PKHD1: variants seen among roughly 807,000 people sequenced by gnomAD.
The protein encoded by PKHD1 is fibrocystin.
A neutral mutation model predicts 412.0 loss-of-function variants in PKHD1; 291 were observed. That is an observed-to-expected ratio of 0.71 (90% CI 0.64 to 0.78). The LOEUF (loss-of-function observed/expected upper bound fraction) is 0.78. PKHD1 is among the 30% of genes least tolerant of loss of function. PKHD1 has a pLI of 0.00. For missense variants in PKHD1, 4,825 were observed against 4,950.7 expected, an observed-to-expected ratio of 0.97 and a Z score of 0.76; for synonymous variants, 1,777 against 1,821.5, an observed-to-expected ratio of 0.98 and a Z score of 0.62.
rs1208693710 is a variant in PKHD1 at position 51,753,282 on chromosome 6, T to TTCAGGCTG, written c.8868_8869insCAGCCTGA (p.Ile2957GlnfsTer85). 1 of 1,613,726 alleles carries TTCAGGCTG rather than the reference T, an allele frequency of 6.2e-7. No homozygotes were observed. Among genetic ancestry groups the TTCAGGCTG allele is most frequent in the Non-Finnish European group, 8.5e-7 (1 of 1,179,788 alleles). Reference sequence around the variant, plus strand: ...CATGATACGTCAGGCTGAATTTGTATATTTCGGGTCAACAGTCCAACCTCA... The same window carrying TTCAGGCTG: ...CATGATACGTCAGGCTGAATTTGTATTCAGGCTGATTTCGGGTCAACAGTCCAACCTCA... On this transcript the variant is annotated frameshift_variant, in exon 57 of 67. Coordinates refer to ENST00000371117, the MANE Select transcript of PKHD1 (RefSeq NM_138694.4). LOFTEE classifies it high-confidence loss of function.
intron 50 of PKHD1, among the ~76,000 whole-genome samples, chr6:51,841,516 T>C (rs910642266): frequency 6.6e-6 from 1 of 152,206 alleles, no homozygotes; most frequent in African/African-American, 2.4e-5. Flanking sequence ...CTGTTATCTA[T>C]ATTTTTGCCA....
Position 51,777,311 on chromosome 6 carries a change from T to C in PKHD1, c.8441-1390A>G, listed in dbSNP as rs967144577. 8.5e-5 allele frequency among the ~76,000 whole-genome samples: 13 copies of C among 152,224 alleles called. No homozygotes were observed. In the South Asian group the frequency reaches 2.5e-3, roughly 29 times the overall value. Reference sequence around the variant, plus strand: ...CTAAAGCTTGCTACATACCTATTTTTATAGTTCAGCCTTCACAGCCATTAC... The same window carrying C: ...CTAAAGCTTGCTACATACCTATTTTCATAGTTCAGCCTTCACAGCCATTAC... On this transcript the variant is annotated intron_variant, in intron 53 of 66. Coordinates refer to ENST00000371117, the MANE Select transcript of PKHD1 (RefSeq NM_138694.4).
chr6:51,660,037 A>G lies in PKHD1; in HGVS notation c.10157-68T>C, dbSNP rs150301500. ...ATCTGTCAATGATTATTTGTAATCC[A>G]TCACTCTTGCCATCATCTATAACTG... On this transcript the variant is annotated intron_variant, in intron 60 of 66. Coordinates refer to ENST00000371117, the MANE Select transcript of PKHD1 (RefSeq NM_138694.4). 20 of 967,472 alleles carry G rather than the reference A, an allele frequency of 2.1e-5. No homozygotes were observed. The African/African-American group carries it at 2.6e-4, about 12-fold the overall frequency. The allele number at this position is 967,472 out of a possible 1,614,324, so 59.9% of individuals were successfully genotyped here.
At chr6:52,068,770 G>A (rs1810139915) in intron 11 of PKHD1, among the ~76,000 whole-genome samples, 1 of 152,154 alleles carries the variant, frequency 6.6e-6, no homozygotes, top group South Asian at 2.1e-4. Flanking sequence ...AAAAATCAGG[G>A]TCAAAATGCA....
intron 52 of PKHD1, among the ~76,000 whole-genome samples, chr6:51,806,343 G>T (rs936732876): frequency 2.6e-5 from 4 of 152,140 alleles, no homozygotes; most frequent in Non-Finnish European, 5.9e-5. Context: ...GAATAGCCAG[G>T]ATTGGATAAA....
At chr6:52,070,905 T>C (rs11969034) in intron 9 of PKHD1, 101 bp downstream of exon 9, 1 of 765,948 alleles carries the variant, frequency 1.3e-6, no homozygotes, top group African/African-American at 1.7e-5. Context: ...ATTATTGTTA[T>C]TATTATTATC....
At chr6:51,949,835 C>T (rs1407135795) in intron 36 of PKHD1, among the ~76,000 whole-genome samples, 2 of 152,170 alleles carry the variant, frequency 1.3e-5, no homozygotes, top group East Asian at 3.9e-4. Flanking sequence ...CACAGAATAC[C>T]TAAACCTAGC....
intron 43 of PKHD1, among the ~76,000 whole-genome samples, chr6:51,895,107 T>A (rs927615288): frequency 6.6e-6 from 1 of 152,196 alleles, no homozygotes; most frequent in African/African-American, 2.4e-5. Context: ...AAAGGTATAT[T>A]TCTAAAATAT....
chr6:51,699,269 C>A (rs1169175435), intron 60 of PKHD1, among the ~76,000 whole-genome samples: 1 of 152,194 alleles, frequency 6.6e-6, no homozygotes, highest in African/African-American at 2.4e-5. Context: ...TCTCTGGCCA[C>A]CACTGGTCTT....
intron 60 of PKHD1, among the ~76,000 whole-genome samples, chr6:51,730,896 G>C (rs1783157883): frequency 6.6e-6 from 1 of 152,150 alleles, no homozygotes. Context: ...ATAAGCTCAG[G>C]TTTGAGATTC....
chr6:51,847,859 A>T lies in PKHD1; in HGVS notation c.8023T>A (p.Ser2675Thr), dbSNP rs752101760. Residue 2675 changes from serine to threonine, a missense_variant, in exon 50 of 67, where the codon TCT becomes ACT. Transcript: ENST00000371117. ...LLRCGSRVGLSFPFLPSPGQN... is the reference protein window; with the variant it reads ...LLRCGSRVGLTFPFLPSPGQN... ...CCTGGTGATGGAAGAAATGGAAAAG[A>T]CAGACCCACTCGACTCCCACATCTT... The T allele has an allele frequency of 6.2e-7, 1 of 1,614,048 alleles. No homozygotes were observed. The highest frequency in any genetic ancestry group is 1.7e-5 in the Admixed American group (1 of 60,024).
chr6:52,014,500 C>A (rs1051312437), intron 34 of PKHD1, among the ~76,000 whole-genome samples: 2 of 151,572 alleles, frequency 1.3e-5, no homozygotes, highest in Non-Finnish European at 2.9e-5. Context: ...ATGGATGGAT[C>A]ATGGATGGAT....
intron 60 of PKHD1, among the ~76,000 whole-genome samples, chr6:51,692,438 C>G (rs1196040308): frequency 6.6e-6 from 1 of 152,170 alleles, no homozygotes; most frequent in Non-Finnish European, 1.5e-5. Context: ...TCTTCTACCT[C>G]CATGACTTAG....
intron 35 of PKHD1, among the ~76,000 whole-genome samples, chr6:51,982,715 T>C (rs1447809926): frequency 2.8e-5 from 4 of 145,454 alleles, no homozygotes; most frequent in African/African-American, 1.0e-4. Flanking sequence ...CAGAGACCTT[T>C]GTTCACTTGT....
At chr6:51,775,484 A>C (rs1790867476) in intron 54 of PKHD1, among the ~76,000 whole-genome samples, 2 of 151,980 alleles carry the variant, frequency 1.3e-5, no homozygotes. Context: ...ATGTATCAAT[A>C]ATCGAGTAGT....
chr6:51,746,684 C>T, intron 59 of PKHD1, 37 bp downstream of exon 59: 2 of 1,346,780 alleles, frequency 1.5e-6, no homozygotes, highest in Non-Finnish European at 2.1e-6. Context: ...CCAAGTACTT[C>T]ATAAATATGG....
At chr6:52,001,407 CAG>C (rs1369417294) in intron 35 of PKHD1, among the ~76,000 whole-genome samples, 2 of 150,288 alleles carry the variant, frequency 1.3e-5, no homozygotes, top group African/African-American at 4.9e-5. Context: ...GAGAGAAAGA[CAG>C]GGGAAAAGGC....
In PKHD1 at chr6:51,754,779, C is replaced by A; in HGVS notation, c.8797+5G>T. 1 of 1,613,156 alleles carries A rather than the reference C, an allele frequency of 6.2e-7. No individual in the cohort carries two copies. Among genetic ancestry groups the A allele is most frequent in the Non-Finnish European group, 8.5e-7 (1 of 1,179,274 alleles). ...CTTACCTTAACCAACAAACCAAAGCCTTACCAATATGCCGGTGTTTGAGCC... is the reference window on the plus strand; with the variant it reads ...CTTACCTTAACCAACAAACCAAAGCATTACCAATATGCCGGTGTTTGAGCC... On this transcript the variant is annotated splice_donor_5th_base_variant and intron_variant, in intron 56 of 66. Coordinates refer to ENST00000371117, the MANE Select transcript of PKHD1 (RefSeq NM_138694.4).
In PKHD1 at chr6:52,043,131, C is replaced by G. The variant is rs142205860; in HGVS notation, c.2825G>C (p.Gly942Ala). ...AATGTAAATCATTAGGTTGATGTCA[C>G]CATCTTAAAGGAGAAAAGAAATTAA... is the stretch of plus-strand genomic sequence containing the variant. ...CVHSVWYSIDGDINLMIYITG... is the reference protein window; with the variant it reads ...CVHSVWYSIDADINLMIYITG... Residue 942 changes from glycine to alanine, a missense_variant, in exon 27 of 67, where the codon GGT becomes GCT. Transcript: ENST00000371117. The G allele has an allele frequency of 5.2e-5, 84 of 1,610,614 alleles. 1 individual carries two copies. In the African/African-American group the frequency reaches 9.7e-4, roughly 19 times the overall value.
Sources: gnomAD v4.1 joint callset for allele counts (sites outside exome capture counted in the v4.1 genomes callset) on GRCh38, gnomAD v4.1.1 for gene constraint, MANE v1.5 for transcripts, NCBI Gene and HGNC (gene_info 2026-07-23, HGNC 2026-07-21) for gene names.